The following CEP128 variants were observed in gnomAD, a reference collection of about 807,000 sequenced individuals.
CEP128 encodes the protein centrosomal protein 128.
A neutral mutation model predicts 156.7 loss-of-function variants in CEP128; 132 were observed. That is an observed-to-expected ratio of 0.84 (90% CI 0.73 to 0.97). The LOEUF (loss-of-function observed/expected upper bound fraction) is 0.97. Among genes scored for constraint, CEP128 ranks in the 50% least tolerant of loss-of-function variants. The pLI is 0.00. For synonymous variants in CEP128, 469 were observed against 448.9 expected, an observed-to-expected ratio of 1.04 and a Z score of -0.57; for missense variants, 1,252 against 1,281.9, an observed-to-expected ratio of 0.98 and a Z score of 0.36.
chr14:80,887,338 C>T (rs1595548609), intron 8 of CEP128, among the ~76,000 whole-genome samples: 3 of 152,302 alleles, frequency 2.0e-5, no homozygotes, highest in East Asian at 3.9e-4. Context: ...CTTCTTAGCA[C>T]TGCATAGCAC....
intron 9 of CEP128, among the ~76,000 whole-genome samples, chr14:80,842,378 T>A (rs1018943154): frequency 6.6e-6 from 1 of 152,000 alleles, no homozygotes; most frequent in Admixed American, 6.6e-5. Context: ...CTATATACCA[T>A]GAGTCAGTCA....
chr14:80,700,483 T>C (rs946258728), intron 19 of CEP128, among the ~76,000 whole-genome samples: 1 of 151,752 alleles, frequency 6.6e-6, no homozygotes, highest in East Asian at 1.9e-4. Context: ...TGGTAGAAAA[T>C]AAACCAAAGA....
chr14:80,888,453 C>T (rs1048866288), intron 8 of CEP128, among the ~76,000 whole-genome samples: 2 of 152,182 alleles, frequency 1.3e-5, no homozygotes, highest in Non-Finnish European at 2.9e-5. Flanking sequence ...AGCTTCATCG[C>T]TGGAATGCAA....
chr14:80,877,043 C>T (rs1471906162), intron 8 of CEP128, among the ~76,000 whole-genome samples: 1 of 151,904 alleles, frequency 6.6e-6, no homozygotes, highest in Non-Finnish European at 1.5e-5. Context: ...AAGTGAAAAG[C>T]GGGGTTTATG....
chr14:80,494,953 A>G (rs1467296510), downstream of CEP128, among the ~76,000 whole-genome samples: 2 of 152,188 alleles, frequency 1.3e-5, no homozygotes, highest in African/African-American at 2.4e-5. Context: ...AGCCAATGGG[A>G]AAAACATTGA....
chr14:80,938,612 C>T (rs910260613), intron 2 of CEP128, among the ~76,000 whole-genome samples: 6 of 151,958 alleles, frequency 3.9e-5, no homozygotes, highest in African/African-American at 7.3e-5. Flanking sequence ...TTTTATCTAT[C>T]GAGCACAATA....
intron 2 of CEP128, 150 bp from the exon 3 acceptor site, chr14:80,916,712 ACAAGAAGTCACTTCCC>A (rs1884585150): frequency 1.7e-6 from 1 of 575,372 alleles, no homozygotes; most frequent in Non-Finnish European, 3.0e-6. Context: ...GCTTAAAAAC[ACAAGAAGTCACTTCCC>A]CATGTAATTC....
intron 19 of CEP128, among the ~76,000 whole-genome samples, chr14:80,640,186 A>G (rs1196675487): frequency 6.6e-6 from 1 of 152,194 alleles, no homozygotes; most frequent in Non-Finnish European, 1.5e-5. Flanking sequence ...TATATAGGAC[A>G]CACTCTCATC....
chr14:80,776,596 C>A (rs865774689), intron 16 of CEP128, among the ~76,000 whole-genome samples: 2 of 149,254 alleles, frequency 1.3e-5, no homozygotes, highest in African/African-American at 4.9e-5. Flanking sequence ...CAACAAAAAG[C>A]GGAAATGTAA....
Position 80,646,351 on chromosome 14 carries a change from A to AT in CEP128, c.2807-65929dup, listed in dbSNP as rs1224375914. Among the ~76,000 whole-genome samples, 475 of 144,976 alleles carry AT rather than the reference A, an allele frequency of 3.3e-3. 4 individuals carry two copies. Among genetic ancestry groups the AT allele is most frequent in the African/African-American group, 8.7e-3 (348 of 39,976 alleles). On this transcript the variant is annotated intron_variant, in intron 19 of 24. Transcript: ENST00000555265. ...TATGAATGCTCTGAAAAATGAAGTCATTTTTTTTTTTTTGAAAAAGCAAAG... is the reference window on the plus strand; with the variant it reads ...TATGAATGCTCTGAAAAATGAAGTCATTTTTTTTTTTTTTGAAAAAGCAAAG...
intron 19 of CEP128, among the ~76,000 whole-genome samples, chr14:80,736,128 T>C (rs1484730028): frequency 2.6e-5 from 4 of 152,094 alleles, no homozygotes; most frequent in Non-Finnish European, 4.4e-5. Context: ...AAAAGACAGA[T>C]AGTACTCATT....
intron 13 of CEP128, among the ~76,000 whole-genome samples, chr14:80,798,329 G>A (rs1883615784): frequency 6.6e-6 from 1 of 152,112 alleles, no homozygotes; most frequent in Admixed American, 6.6e-5. Flanking sequence ...TATTAAAGAG[G>A]AAAGAAAGAA....
chr14:80,563,765 G>A (rs1890796691), intron 20 of CEP128, among the ~76,000 whole-genome samples: 1 of 151,918 alleles, frequency 6.6e-6, no homozygotes, highest in South Asian at 2.1e-4. Flanking sequence ...TTGATCTCCT[G>A]ACCTCGTGAT....
At chr14:80,519,615 C>G (rs942552961) in intron 23 of CEP128, among the ~76,000 whole-genome samples, 12 of 152,170 alleles carry the variant, frequency 7.9e-5, no homozygotes, top group Non-Finnish European at 1.2e-4. Flanking sequence ...AAAACTTAAT[C>G]TCTTCCTCAG....
intron 12 of CEP128, among the ~76,000 whole-genome samples, chr14:80,833,330 A>T (rs1885908440): frequency 6.6e-6 from 1 of 151,558 alleles, no homozygotes; most frequent in African/African-American, 2.4e-5. Context: ...TTTATGAAAC[A>T]TATATATTTG....
intron 20 of CEP128, among the ~76,000 whole-genome samples, chr14:80,577,917 C>A (rs991791394): frequency 3.3e-5 from 5 of 152,136 alleles, no homozygotes; most frequent in Admixed American, 1.3e-4. Flanking sequence ...TTATCCTAGG[C>A]CTTCCCCTAT....
chr14:80,927,883 G>T (rs2139567727), intron 2 of CEP128, among the ~76,000 whole-genome samples: 1 of 152,274 alleles, frequency 6.6e-6, no homozygotes, highest in East Asian at 1.9e-4. Flanking sequence ...TGAGGAATGA[G>T]ATAAGCTTCA....
chr14:80,562,450 TGTAA>T (rs1441362747), intron 20 of CEP128, among the ~76,000 whole-genome samples: 1 of 152,168 alleles, frequency 6.6e-6, no homozygotes, highest in Non-Finnish European at 1.5e-5. Context: ...AATTGTAGGC[TGTAA>T]ATAAAGAGAA....
intron 19 of CEP128, among the ~76,000 whole-genome samples, chr14:80,740,238 A>T (rs1250718901): frequency 6.6e-6 from 1 of 152,072 alleles, no homozygotes; most frequent in Admixed American, 6.6e-5. Context: ...CTTTCTAGGC[A>T]TTGGAGACAC....
Sources: gnomAD v4.1 joint callset for allele counts (sites outside exome capture counted in the v4.1 genomes callset) on GRCh38, gnomAD v4.1.1 for gene constraint, MANE v1.5 for transcripts, NCBI Gene and HGNC (gene_info 2026-07-23, HGNC 2026-07-21) for gene names.